HFM1: variants seen among roughly 807,000 people sequenced by gnomAD.
HFM1 encodes the protein probable ATP-dependent DNA helicase HFM1.
A neutral mutation model predicts 192.1 loss-of-function variants in HFM1; 169 were observed. The ratio of observed to expected loss-of-function variants is 0.88; its 90% confidence interval spans 0.78 to 1.00. The LOEUF (loss-of-function observed/expected upper bound fraction) is 1.00, where lower values mean the gene tolerates loss of function less well. Ranked by LOEUF, HFM1 falls within the 50% of genes least tolerant of loss-of-function variation. The pLI is 0.00. For synonymous variants in HFM1, 525 were observed against 537.8 expected (o/e 0.98, Z 0.33); for missense variants, 1,661 against 1,668.0 (o/e 1.00, Z 0.07).
At chr1:91,269,314 G>C (rs572124485) in intron 34 of HFM1, among the ~76,000 whole-genome samples, 142 of 152,106 alleles carry the variant, frequency 9.3e-4, no homozygotes, top group Non-Finnish European at 1.4e-3. Context: ...ATTAGGAAGT[G>C]ATGAGTTTTG....
At chr1:91,277,666 A>T (rs1098467) in intron 30 of HFM1, among the ~76,000 whole-genome samples, 3 of 129,678 alleles carry the variant, frequency 2.3e-5, no homozygotes, top group Non-Finnish European at 3.1e-5. Context: ...TAATATATAT[A>T]ATATATACAC....
At chr1:91,373,822 C>T (rs933087245) in intron 13 of HFM1, among the ~76,000 whole-genome samples, 1 of 151,876 alleles carries the variant, frequency 6.6e-6, no homozygotes, top group East Asian at 1.9e-4. Context: ...TATAAATTAC[C>T]CAGGCTCAGA....
At chr1:91,324,222 T>A (rs1330581170) in intron 21 of HFM1, among the ~76,000 whole-genome samples, 1 of 152,228 alleles carries the variant, frequency 6.6e-6, no homozygotes, top group African/African-American at 2.4e-5. Flanking sequence ...TTTCCATTGT[T>A]CTCACTGTTC....
At chr1:91,325,794 T>G (rs1296735250) in intron 20 of HFM1, among the ~76,000 whole-genome samples, 2 of 152,046 alleles carry the variant, frequency 1.3e-5, no homozygotes, top group African/African-American at 4.8e-5. Flanking sequence ...AAAAGAGAGA[T>G]ATGTGACCTT....
In HFM1 at chr1:91,334,252, C is replaced by T. The variant is rs1308267109; in HGVS notation, c.2335+9178G>A. Among the ~76,000 whole-genome samples, 4 of 152,238 alleles carry T rather than the reference C, an allele frequency of 2.6e-5. No homozygotes were observed. In the South Asian group the frequency reaches 6.2e-4, roughly 24 times the overall value. On this transcript the variant is annotated intron_variant, in intron 20 of 38. Coordinates refer to ENST00000370425, the MANE Select transcript of HFM1 (RefSeq NM_001017975.6). Reference sequence around the variant, plus strand: ...TATGCAAGTGATCATGCACAAGTTACGTGACCAGTTTCTTAATGTAATGTG... The same window carrying T: ...TATGCAAGTGATCATGCACAAGTTATGTGACCAGTTTCTTAATGTAATGTG...
intron 19 of HFM1, among the ~76,000 whole-genome samples, chr1:91,346,600 CAT>C (rs1374620985): frequency 6.6e-6 from 1 of 152,148 alleles, no homozygotes; most frequent in Admixed American, 6.5e-5. Context: ...GAGGACCTAA[CAT>C]ATTTTCTTTT....
At position 91,342,151 on chromosome 1, in the gene HFM1, A is replaced by AAAAAAAAAAAAAAAAAAC. The variant is rs58288889; in HGVS notation, c.2335+1278_2335+1279insGTTTTTTTTTTTTTTTTT. 8.0e-5 allele frequency among the ~76,000 whole-genome samples: 9 copies of AAAAAAAAAAAAAAAAAAC among 111,832 alleles called. 1 individual carries two copies. The highest frequency in any genetic ancestry group is 1.1e-4 in the Admixed American group (1 of 9,454). 73.4% of individuals were successfully genotyped at this position (111,832 alleles called of 152,430 possible). ...ACACAATGAAAAAAAAAAAAAAAAA[A>AAAAAAAAAAAAAAAAAAC]TTCAGGCGAATATTCCTGATGAACA... On this transcript the variant is annotated intron_variant, in intron 20 of 38. Coordinates refer to ENST00000370425, the MANE Select transcript of HFM1 (RefSeq NM_001017975.6).
chr1:91,275,825 C>A (rs1666746649), intron 32 of HFM1, among the ~76,000 whole-genome samples: 1 of 152,186 alleles, frequency 6.6e-6, no homozygotes, highest in African/African-American at 2.4e-5. Context: ...ATCCTCTAAT[C>A]CCTTTTCTAC....
chr1:91,344,770 T>A (rs176018), intron 19 of HFM1, among the ~76,000 whole-genome samples: 146,014 of 146,130 alleles, frequency 1, 72,949 homozygotes, highest in East Asian at 1. Flanking sequence ...TTTTTGAGAC[T>A]TGGTCTCACT....
intron 1 of HFM1, among the ~76,000 whole-genome samples, chr1:91,403,779 G>C (rs1469959913): frequency 6.6e-6 from 1 of 151,882 alleles, no homozygotes; most frequent in African/African-American, 2.4e-5. Flanking sequence ...TTATATTAAT[G>C]ACAATCTCTA....
At chr1:91,316,050 G>A in intron 27 of HFM1, 51 bp downstream of exon 27, 1 of 1,459,458 alleles carries the variant, frequency 6.9e-7, no homozygotes, top group Middle Eastern at 1.8e-4. Context: ...TTTATAGGTA[G>A]CTTTATTTCT....
chr1:91,367,774 G>C (rs1335887432), intron 13 of HFM1, among the ~76,000 whole-genome samples: 1 of 152,200 alleles, frequency 6.6e-6, no homozygotes, highest in East Asian at 1.9e-4. Flanking sequence ...CGAGTTGAGA[G>C]AGGAAGGCTT....
Position 91,262,358 on chromosome 1 carries a change from G to A in HFM1, c.4121C>T (p.Ser1374Leu). 6.3e-7 allele frequency: 1 copy of A among 1,576,672 alleles called. No homozygotes were observed. Among genetic ancestry groups the A allele is most frequent in the South Asian group, 1.2e-5 (1 of 83,714 alleles). The stretch of plus-strand genomic sequence containing the variant: ...AAAGCATTGCTTCTCAATCTCTGGT[G>A]ACAGATTTTGTGGTTTTCTTTCTTG... ...HFQERKPQNLSPEIEKQCFTF... is the reference protein window; with the variant it reads ...HFQERKPQNLLPEIEKQCFTF... The change falls in exon 38 of 39, where the codon TCA becomes TTA. Residue 1374 changes from serine (S) to leucine (L), a missense_variant. By Grantham distance (145) the Ser-to-Leu change is moderately radical (BLOSUM62 -2). Transcript: ENST00000370425.
chr1:91,299,609 T>G (rs1346614532), intron 30 of HFM1, among the ~76,000 whole-genome samples: 1 of 152,092 alleles, frequency 6.6e-6, no homozygotes, highest in Non-Finnish European at 1.5e-5. Flanking sequence ...GCAATCAAAC[T>G]AGAACTCAGG....
intron 21 of HFM1, 137 bp downstream of exon 21, chr1:91,324,538 A>C: frequency 1.7e-6 from 1 of 588,364 alleles, no homozygotes; most frequent in South Asian, 2.2e-5. Flanking sequence ...GAATTATACC[A>C]GAGGATATAT....
chr1:91,345,623 T>C (rs942431504), intron 19 of HFM1, among the ~76,000 whole-genome samples: 4 of 152,152 alleles, frequency 2.6e-5, no homozygotes, highest in African/African-American at 9.7e-5. Context: ...ACTCAAGGCA[T>C]TTCGAACTCA....
At chr1:91,339,707 G>C (rs971208998) in intron 20 of HFM1, among the ~76,000 whole-genome samples, 2 of 151,942 alleles carry the variant, frequency 1.3e-5, no homozygotes, top group African/African-American at 4.8e-5. Flanking sequence ...GAGAGAGAGA[G>C]CAAGAAACTT....
intron 13 of HFM1, among the ~76,000 whole-genome samples, chr1:91,365,313 A>C (rs1353653785): frequency 1.3e-5 from 2 of 152,116 alleles, no homozygotes; most frequent in African/African-American, 4.8e-5. Flanking sequence ...TATAGTTAAT[A>C]AAAATTATTT....
chr1:91,402,664 G>A (rs1664432596), intron 1 of HFM1, among the ~76,000 whole-genome samples: 1 of 152,052 alleles, frequency 6.6e-6, no homozygotes, highest in African/African-American at 2.4e-5. Flanking sequence ...TGTTAATCAT[G>A]TTTTTATATT....
Sources: gnomAD v4.1 joint callset for allele counts (sites outside exome capture counted in the v4.1 genomes callset) on GRCh38, gnomAD v4.1.1 for gene constraint, MANE v1.5 for transcripts, NCBI Gene and HGNC (gene_info 2026-07-23, HGNC 2026-07-21) for gene names.